Variants in NEBL observed in about 807,000 individuals in gnomAD.
NEBL encodes LIM and SH3 protein 2.
In NEBL, 122 loss-of-function variants were observed where a neutral mutation model predicts 140.2. The observed-to-expected ratio is 0.87, with a 90% confidence interval of 0.75 to 1.01. NEBL has a LOEUF of 1.01. NEBL is among the 50% of genes least tolerant of loss of function. NEBL has a pLI of 0.00. For synonymous variants in NEBL, 436 were observed against 398.9 expected (o/e 1.09, Z -1.11); for missense variants, 1,365 against 1,231.3 (o/e 1.11, Z -1.62).
intron 3 of NEBL, among the ~76,000 whole-genome samples, chr10:21,182,187 TAG>T (rs1475757008): frequency 6.6e-6 from 1 of 152,052 alleles, no homozygotes; most frequent in Non-Finnish European, 1.5e-5. Flanking sequence ...AAATTCATTT[TAG>T]GGTTGGGCAC....
In NEBL at chr10:20,871,432, C is replaced by G. The variant is rs564291512; in HGVS notation, c.481-1591G>C. On this transcript the variant is annotated intron_variant, in intron 5 of 27. Transcript: ENST00000377122. ...AATCTAGCAGAATTAAAAATTTCAC[C>G]CTTTCTTACTCCTTTTAAAAATAAG... 2.0e-5 allele frequency among the ~76,000 whole-genome samples: 3 copies of G among 152,096 alleles called. No homozygotes were observed. In the South Asian group the frequency reaches 6.3e-4, roughly 32 times the overall value.
At chr10:21,255,230 C>T (rs139118928) in intron 1 of NEBL, among the ~76,000 whole-genome samples, 8 of 152,036 alleles carry the variant, frequency 5.3e-5, no homozygotes, top group East Asian at 1.9e-4. Flanking sequence ...GGAATTAGAG[C>T]GAGAACGTCA....
rs768622883 is a variant in NEBL, at chr10:20,780,471, G to C, written c.*5276C>G. On this transcript the variant is annotated 3_prime_UTR_variant, in exon 28 of 28. Transcript: ENST00000377122. The stretch of plus-strand genomic sequence containing the variant: ...TTTATTTGGGGGAGGAAAATATCTT[G>C]ACTGATTCACCAATGTAAATGCACT... 11 of 152,114 alleles carry C rather than the reference G, an allele frequency of 7.2e-5. No individual in the cohort carries two copies. The highest frequency in any genetic ancestry group is 1.2e-4 in the Non-Finnish European group (8 of 68,026). 9.4% of individuals were successfully genotyped at this position (152,114 alleles called of 1,614,324 possible).
rs1588664782 is a variant in NEBL at position 20,812,885 on chromosome 10, A to G, written c.2402T>C (p.Val801Ala). The G allele has an allele frequency of 6.2e-6, 10 of 1,614,026 alleles. No individual in the cohort carries two copies. The highest frequency in any genetic ancestry group is 1.6e-4 in the Middle Eastern group (1 of 6,062). ...KTKGRGFTPV[V>A]DDPVTERVRK... is the part of the protein sequence containing the mutation. ...CACTCTCTCTGTCACAGGATCGTCC[A>G]CGACGGGAGTAAAGCCTCTCCCCTT... Residue 801 changes from valine (V) to alanine (A), a missense_variant, in exon 24 of 28, where the codon GTG becomes GCG. Val to Ala is a moderately conservative substitution (Grantham distance 64, BLOSUM62 0). This residue lies in a region of NEBL where 1,323 missense variants were observed against 1,154.8 expected (regional missense o/e 1.15). Coordinates refer to ENST00000377122, the MANE Select transcript of NEBL (RefSeq NM_006393.3).
intron 4 of NEBL, among the ~76,000 whole-genome samples, chr10:20,908,923 T>A (rs1468058407): frequency 1.3e-5 from 2 of 152,210 alleles, no homozygotes; most frequent in Non-Finnish European, 2.9e-5. Flanking sequence ...TGGTAAGATT[T>A]CAAACTTATT....
At chr10:21,099,801 C>G (rs924789840) in intron 2 of NEBL, among the ~76,000 whole-genome samples, 3 of 152,110 alleles carry the variant, frequency 2.0e-5, no homozygotes, top group African/African-American at 7.2e-5. Context: ...TGCAAGTGTT[C>G]ACTGTTGCAC....
At chr10:21,078,730 T>C (rs758319449) in intron 2 of NEBL, among the ~76,000 whole-genome samples, 5 of 152,202 alleles carry the variant, frequency 3.3e-5, no homozygotes, top group Admixed American at 2.0e-4. Context: ...AAGATCATTC[T>C]CTCTATATCC....
chr10:21,243,578 A>T (rs186355549), intron 3 of NEBL, among the ~76,000 whole-genome samples: 3 of 152,128 alleles, frequency 2.0e-5, no homozygotes, highest in Non-Finnish European at 4.4e-5. Context: ...GGCCCATATT[A>T]TCATTAACTA....
intron 2 of NEBL, among the ~76,000 whole-genome samples, chr10:21,023,772 T>C (rs1838900050): frequency 1.3e-5 from 2 of 152,126 alleles, no homozygotes; most frequent in African/African-American, 4.8e-5. Context: ...ATCCTGAGAT[T>C]GAAAAGTGAA....
chr10:21,028,135 G>A lies in NEBL; in HGVS notation c.165-7934C>T, dbSNP rs138823295. Reference sequence around the variant, plus strand: ...CTAGCTACTCAGGAGGTTGAGGCAGGAGAATTGCTTGAACCCAGGAGGCAG... The same window carrying A: ...CTAGCTACTCAGGAGGTTGAGGCAGAAGAATTGCTTGAACCCAGGAGGCAG... On this transcript the variant is annotated intron_variant, in intron 2 of 6. Transcript: ENST00000417816. Among the ~76,000 whole-genome samples the A allele has an allele frequency of 6.6e-3, 996 of 149,990 alleles. 6 individuals are homozygous for A. Among genetic ancestry groups the A allele is most frequent in the African/African-American group, 0.023 (928 of 40,808 alleles).
In NEBL at chr10:20,817,641, C is replaced by G. The variant is rs866858799; in HGVS notation, c.2107G>C (p.Glu703Gln). The G allele has an allele frequency of 6.2e-7, 1 of 1,614,042 alleles. No homozygotes were observed. Among genetic ancestry groups the G allele is most frequent in the African/African-American group, 1.3e-5 (1 of 75,044 alleles). Residue 703 changes from glutamate to glutamine, a missense_variant, in exon 21 of 28, where the codon GAG becomes CAG. This residue lies in a region of NEBL where 1,323 missense variants were observed against 1,154.8 expected (regional missense o/e 1.15). Coordinates refer to ENST00000377122, the MANE Select transcript of NEBL (RefSeq NM_006393.3). ...TGGTTTTCTTTTGCCCTCTTCAGCT[C>G]TGGTGGATCAGAAATTGCAGTTCCC... is the stretch of plus-strand genomic sequence containing the variant. The part of the protein sequence containing the change: ...QRGTAISDPP[E>Q]LKRAKENQKN...
At chr10:21,268,068 T>G (rs1842817852) in intron 1 of NEBL, among the ~76,000 whole-genome samples, 1 of 152,140 alleles carries the variant, frequency 6.6e-6, no homozygotes, top group African/African-American at 2.4e-5. Flanking sequence ...CCAAGACTCC[T>G]AGGATTGCCT....
At chr10:21,262,865 C>T (rs1034010068) in intron 1 of NEBL, among the ~76,000 whole-genome samples, 1 of 152,102 alleles carries the variant, frequency 6.6e-6, no homozygotes, top group African/African-American at 2.4e-5. Context: ...TCCGTGTAGA[C>T]ATTCTAAATA....
At chr10:21,189,856 A>G (rs1841544925) in intron 3 of NEBL, among the ~76,000 whole-genome samples, 1 of 152,188 alleles carries the variant, frequency 6.6e-6, no homozygotes, top group Admixed American at 6.5e-5. Flanking sequence ...AAGGTTTTCT[A>G]AAGTGTCCAT....
At chr10:21,072,605 G>A (rs528043561) in intron 2 of NEBL, among the ~76,000 whole-genome samples, 1 of 152,364 alleles carries the variant, frequency 6.6e-6, no homozygotes, top group East Asian at 1.9e-4. Flanking sequence ...AGCACAGGAA[G>A]GGTATGCCCA....
chr10:20,925,041 T>A (rs906669825), intron 4 of NEBL, among the ~76,000 whole-genome samples: 7 of 146,382 alleles, frequency 4.8e-5, no homozygotes, highest in Non-Finnish European at 3.0e-5. Context: ...TAAAAAAAAA[T>A]TAAAAGTAAT....
At chr10:20,904,985 G>C (rs528981630) in intron 4 of NEBL, among the ~76,000 whole-genome samples, 3 of 152,298 alleles carry the variant, frequency 2.0e-5, no homozygotes, top group Admixed American at 2.0e-4. Flanking sequence ...AATGTAAATA[G>C]TTTCCTAGTA....
At chr10:20,831,615 TC>T in intron 14 of NEBL, 32 bp from the exon 15 acceptor site, 1 of 1,410,826 alleles carries the variant, frequency 7.1e-7, no homozygotes, top group Non-Finnish European at 1.0e-6. Flanking sequence ...GTTAGTGCTC[TC>T]CAATCATTTG....
intron 2 of NEBL, among the ~76,000 whole-genome samples, chr10:21,100,659 T>C (rs112200276): frequency 2.0e-5 from 3 of 152,332 alleles, no homozygotes; most frequent in Non-Finnish European, 2.9e-5. Context: ...AAAAGAAATA[T>C]GACCTGATGG....
Sources: allele counts gnomAD v4.1 joint callset (sites outside exome capture counted in the v4.1 genomes callset), GRCh38; gene constraint gnomAD v4.1.1; regional missense constraint gnomAD v4.1.1; transcripts MANE v1.5; gene names NCBI Gene and HGNC (gene_info 2026-07-23, HGNC 2026-07-21).